IGSF11: variants seen among roughly 807,000 people sequenced by gnomAD.
IGSF11 encodes immunoglobulin superfamily member 11, also known as CXADR like 1.
IGSF11 carries 22 observed loss-of-function variants against 41.0 expected under a neutral mutation model. The ratio of observed to expected loss-of-function variants is 0.54; its 90% confidence interval spans 0.38 to 0.77. The LOEUF (loss-of-function observed/expected upper bound fraction) is 0.77, where lower values mean the gene tolerates loss of function less well. IGSF11 is among the 30% of genes least tolerant of loss of function. The pLI, the probability that IGSF11 is intolerant of heterozygous loss-of-function variation, is 0.00. For missense variants in IGSF11, 444 were observed against 530.8 expected (o/e 0.84, Z 1.61); for synonymous variants, 219 against 201.3 (o/e 1.09, Z -0.74).
intron 1 of IGSF11, among the ~76,000 whole-genome samples, chr3:119,145,471 G>GT (rs1284000550): frequency 1.3e-5 from 2 of 152,104 alleles, no homozygotes; most frequent in African/African-American, 4.8e-5. Flanking sequence ...ATTCCTTCTG[G>GT]TATCTTTCTC....
At chr3:119,124,233 A>G (rs945663417) in intron 1 of IGSF11, among the ~76,000 whole-genome samples, 3 of 151,668 alleles carry the variant, frequency 2.0e-5, no homozygotes, top group African/African-American at 7.3e-5. Flanking sequence ...GAGCTGAAAA[A>G]TGAAACTGAA....
intron 1 of IGSF11, among the ~76,000 whole-genome samples, chr3:119,024,252 G>T (rs1939603145): frequency 6.6e-6 from 1 of 152,094 alleles, no homozygotes; most frequent in African/African-American, 2.4e-5. Flanking sequence ...TCACAAATTA[G>T]AAAGCATCAA....
intron 1 of IGSF11, among the ~76,000 whole-genome samples, chr3:118,962,719 A>G (rs1390479187): frequency 6.6e-6 from 1 of 152,176 alleles, no homozygotes; most frequent in African/African-American, 2.4e-5. Flanking sequence ...CATCCAAGTA[A>G]AAGACAAAAA....
At chr3:119,046,403 GATGAA>G (rs1248431070) in intron 1 of IGSF11, among the ~76,000 whole-genome samples, 2 of 152,108 alleles carry the variant, frequency 1.3e-5, no homozygotes, top group African/African-American at 4.8e-5. Flanking sequence ...AGCAATGGAA[GATGAA>G]ATGAATGAAA....
At chr3:118,975,161 A>C (rs1197135293) in intron 1 of IGSF11, among the ~76,000 whole-genome samples, 1 of 152,190 alleles carries the variant, frequency 6.6e-6, no homozygotes, top group Non-Finnish European at 1.5e-5. Flanking sequence ...ATTCTCCTCT[A>C]TCTCCTCCTA....
intron 4 of IGSF11, among the ~76,000 whole-genome samples, chr3:118,917,952 T>C (rs1335914202): frequency 5.6e-5 from 7 of 126,018 alleles, no homozygotes; most frequent in East Asian, 2.4e-4. Flanking sequence ...GCTGGTTCAA[T>C]ATACGCAAAT....
intron 1 of IGSF11, among the ~76,000 whole-genome samples, chr3:119,032,400 C>T (rs1321938457): frequency 6.6e-6 from 1 of 152,232 alleles, no homozygotes; most frequent in African/African-American, 2.4e-5. Flanking sequence ...CTAGCACAAA[C>T]AGGCGTGCTA....
At chr3:118,994,390 C>T (rs759712505) in intron 1 of IGSF11, among the ~76,000 whole-genome samples, 5 of 152,180 alleles carry the variant, frequency 3.3e-5, no homozygotes, top group Non-Finnish European at 5.9e-5. Flanking sequence ...GGCACAGTGG[C>T]TCATGCCTGT....
intron 1 of IGSF11, among the ~76,000 whole-genome samples, chr3:118,960,277 G>A (rs1945256167): frequency 6.6e-6 from 1 of 152,078 alleles, no homozygotes. Flanking sequence ...AATGTGTGTA[G>A]CATGGCATTA....
intron 1 of IGSF11, among the ~76,000 whole-genome samples, chr3:118,974,502 G>A (rs546052229): frequency 1.3e-5 from 2 of 152,294 alleles, no homozygotes; most frequent in East Asian, 3.9e-4. Context: ...TCCAGGATTT[G>A]GAATGGCATG....
intron 1 of IGSF11, among the ~76,000 whole-genome samples, chr3:119,140,685 G>A (rs1006510869): frequency 2.6e-5 from 4 of 152,026 alleles, no homozygotes; most frequent in African/African-American, 9.7e-5. Context: ...AAGTGCACAT[G>A]AACATTATCC....
upstream of IGSF11, among the ~76,000 whole-genome samples, chr3:119,108,303 C>A (rs1370835585): frequency 7.2e-6 from 1 of 139,524 alleles, no homozygotes; most frequent in Non-Finnish European, 1.6e-5. Flanking sequence ...AGGTCCTTCA[C>A]ATCTCTTGTA....
chr3:119,003,871 T>C (rs1228804138), intron 1 of IGSF11, among the ~76,000 whole-genome samples: 4 of 149,406 alleles, frequency 2.7e-5, no homozygotes, highest in Non-Finnish European at 5.9e-5. Context: ...TTGCCAGTAT[T>C]TTATTGAGGA....
At chr3:119,035,808 A>G (rs1394503295), upstream of IGSF11, among the ~76,000 whole-genome samples, 2 of 152,104 alleles carry the variant, frequency 1.3e-5, no homozygotes, top group Non-Finnish European at 2.9e-5. Flanking sequence ...AGCCTTCTAA[A>G]TTTGAGGACA....
intron 1 of IGSF11, among the ~76,000 whole-genome samples, chr3:118,974,072 C>T (rs1052822039): frequency 1.3e-5 from 2 of 151,842 alleles, no homozygotes; most frequent in Admixed American, 1.3e-4. Flanking sequence ...TGTAACAAAC[C>T]TGCACATCCT....
intron 1 of IGSF11, among the ~76,000 whole-genome samples, chr3:119,132,259 A>G (rs1478829898): frequency 6.6e-6 from 1 of 151,962 alleles, no homozygotes; most frequent in African/African-American, 2.4e-5. Flanking sequence ...AGACTGGCAA[A>G]TTGGATAAAG....
In IGSF11 at chr3:119,004,350, TCTTTTTTTC is replaced by T. The variant is rs1188169214; in HGVS notation, c.52+30172_52+30180del. On this transcript the variant is annotated intron_variant, in intron 1 of 6. Transcript: ENST00000393775. Reference sequence around the variant, plus strand: ...TTATTGTGTCTATTTGATTCTTCTCTCTTTTTTTCTTTATTAGTCTTGCTAGCGGTCTAT... The same window carrying T: ...TTATTGTGTCTATTTGATTCTTCTCTTTTATTAGTCTTGCTAGCGGTCTAT... Among the ~76,000 whole-genome samples the T allele has an allele frequency of 2.9e-3, 197 of 68,276 alleles. 1 individual carries two copies. Among genetic ancestry groups the T allele is most frequent in the African/African-American group, 0.016 (157 of 9,792 alleles). 44.8% of individuals were successfully genotyped at this position (68,276 alleles called of 152,430 possible). A position where few individuals can be genotyped will look rare whatever the true frequency, so the allele number is the denominator to read the frequency against.
At chr3:119,119,410 T>G (rs993806603) in intron 1 of IGSF11, among the ~76,000 whole-genome samples, 2 of 152,168 alleles carry the variant, frequency 1.3e-5, no homozygotes, top group Non-Finnish European at 2.9e-5. Flanking sequence ...ACTTATTCAC[T>G]ATCACAAGAA....
rs1200323629 is a variant in IGSF11 at position 118,900,768 on chromosome 3, T to C, written c.*1752A>G. On this transcript the variant is annotated 3_prime_UTR_variant, in exon 7 of 7. Transcript: ENST00000393775. ...TTTTCACTTTTCTTTATAAAAAGTA[T>C]AGACATTCATTTATTTAAATTTTTA... 6.6e-6 allele frequency: 1 copy of C among 152,622 alleles called. No homozygotes were observed. The highest frequency in any genetic ancestry group is 1.5e-5 in the Non-Finnish European group (1 of 68,024). 9.5% of individuals were successfully genotyped at this position (152,622 alleles called of 1,614,324 possible). A position where few individuals can be genotyped will look rare whatever the true frequency, so the allele number is the denominator to read the frequency against.
Sources: allele counts gnomAD v4.1 joint callset (sites outside exome capture counted in the v4.1 genomes callset), GRCh38; gene constraint gnomAD v4.1.1; transcripts MANE v1.5; gene names NCBI Gene and HGNC (gene_info 2026-07-23, HGNC 2026-07-21).